Variants in OPN3 observed in about 807,000 individuals in gnomAD.
The protein encoded by OPN3 is opsin-3.
A neutral mutation model predicts 33.8 loss-of-function variants in OPN3; 29 were observed. The observed-to-expected ratio is 0.86, with a 90% CI of 0.64 to 1.17. The LOEUF (loss-of-function observed/expected upper bound fraction) is 1.17, where lower values mean the gene tolerates loss of function less well. Ranked by LOEUF, OPN3 falls within the 50% of genes most tolerant of loss-of-function variation. OPN3 has a pLI of 0.00. For missense variants in OPN3, 437 were observed against 514.1 expected (o/e 0.85, Z 1.45); for synonymous variants, 216 against 216.1 (o/e 1.00, Z 0.00).
At chr1:241,621,682 A>G (rs1664270576) in intron 1 of OPN3, among the ~76,000 whole-genome samples, 1 of 152,136 alleles carries the variant, frequency 6.6e-6, no homozygotes, top group Non-Finnish European at 1.5e-5. Flanking sequence ...AGGTAGAGAA[A>G]TGTTCAAAGA....
rs1664445485 is a variant in OPN3, at chr1:241,627,238, T to C, written c.373+12644A>G. Among the ~76,000 whole-genome samples the C allele has an allele frequency of 7.2e-5, 11 of 152,284 alleles. No individual in the cohort carries two copies. The South Asian group carries it at 2.3e-3, about 32-fold the overall frequency. ...GAGTTGGCCCATTTTATTATAATTA[T>C]AAAAACTGTAATTTATAGGATTATT... On this transcript the variant is annotated intron_variant, in intron 1 of 3. Coordinates refer to ENST00000366554, the MANE Select transcript of OPN3 (RefSeq NM_014322.3).
chr1:241,593,226 C>T lies in OPN3; in HGVS notation c.*1202G>A, dbSNP rs1284220829. 2 of 270,752 alleles carry T rather than the reference C, an allele frequency of 7.4e-6. No homozygotes were observed. The highest frequency in any genetic ancestry group is 8.0e-5 in the East Asian group (1 of 12,462). The allele number at this position is 270,752 out of a possible 1,614,324, so 16.8% of individuals were successfully genotyped here. A position where few individuals can be genotyped will look rare whatever the true frequency, so the allele number is the denominator to read the frequency against. On this transcript the variant is annotated 3_prime_UTR_variant, in exon 4 of 4. Transcript: ENST00000366554. ...CTTTTATAGAAATACAAAGCCATTA[C>T]TTTATTCAATTTCAGACCCTCAGAA... is the stretch of plus-strand genomic sequence containing the variant.
At chr1:241,620,675 C>A (rs1348078942) in intron 1 of OPN3, among the ~76,000 whole-genome samples, 1 of 152,116 alleles carries the variant, frequency 6.6e-6, no homozygotes, top group African/African-American at 2.4e-5. Flanking sequence ...TGAACTAACA[C>A]ATTAATATAT....
chr1:241,617,356 G>A (rs1664158823), intron 1 of OPN3, among the ~76,000 whole-genome samples: 1 of 152,146 alleles, frequency 6.6e-6, no homozygotes, highest in African/African-American at 2.4e-5. Context: ...AATAAATTGT[G>A]GAATAGCTCT....
intron 1 of OPN3, chr1:241,634,011 T>C: frequency 1.2e-6 from 2 of 1,613,888 alleles, no homozygotes; most frequent in Non-Finnish European, 1.7e-6. Context: ...GCATGCTCAT[T>C]TCCCAGGCCA....
At chr1:241,623,979 C>T (rs1049976357) in intron 1 of OPN3, among the ~76,000 whole-genome samples, 4 of 152,194 alleles carry the variant, frequency 2.6e-5, no homozygotes, top group African/African-American at 9.6e-5. Context: ...TTCCACCTGT[C>T]CTGCCTCTCC....
chr1:241,616,403 A>T (rs1664133615), intron 1 of OPN3, among the ~76,000 whole-genome samples: 1 of 151,910 alleles, frequency 6.6e-6, no homozygotes. Context: ...CTTCTCTTTC[A>T]CCATTTATAA....
intron 1 of OPN3, among the ~76,000 whole-genome samples, chr1:241,612,665 C>G (rs1244504021): frequency 6.6e-6 from 1 of 152,168 alleles, no homozygotes; most frequent in Non-Finnish European, 1.5e-5. Flanking sequence ...CCCTTAACTG[C>G]TCTATGGATA....
intron 1 of OPN3, among the ~76,000 whole-genome samples, chr1:241,608,607 CT>C (rs1663901338): frequency 6.6e-6 from 1 of 152,210 alleles, no homozygotes; most frequent in Admixed American, 6.5e-5. Context: ...GCACTCAGAG[CT>C]GAAGTATGAA....
chr1:241,617,091 A>G (rs1664152232), intron 1 of OPN3, among the ~76,000 whole-genome samples: 1 of 152,194 alleles, frequency 6.6e-6, no homozygotes, highest in Admixed American at 6.5e-5. Context: ...TTCTAATTAG[A>G]TCTTTCCAGA....
intron 2 of OPN3, among the ~76,000 whole-genome samples, chr1:241,602,929 T>C (rs570364247): frequency 1.3e-5 from 2 of 152,298 alleles, no homozygotes; most frequent in African/African-American, 2.4e-5. Flanking sequence ...GTGAGTGACA[T>C]TGTGGCACCA....
rs776374221 is a variant in OPN3, at chr1:241,594,627, T to A, written c.1010A>T (p.Asp337Val). The A allele has an allele frequency of 1.9e-6, 3 of 1,614,116 alleles. No individual in the cohort carries two copies. Among genetic ancestry groups the A allele is most frequent in the Non-Finnish European group, 8.5e-7 (1 of 1,179,978 alleles). The change falls in exon 4 of 4, where the codon GAC (aspartate) becomes GTC (valine). Residue 337 changes from aspartate (D) to valine (V), a missense_variant. Asp to Val is a radical substitution (Grantham distance 152). Coordinates refer to ENST00000366554, the MANE Select transcript of OPN3 (RefSeq NM_014322.3). The stretch of plus-strand genomic sequence containing the variant: ...CATTTCACTTCCAGCTGCTGGTAGG[T>A]CTTTAGCAGGCCTCTGGCACCTCAG... ...RLLRCQRPAK[D>V]LPAAGSEMQI...
intron 1 of OPN3, among the ~76,000 whole-genome samples, chr1:241,638,397 C>A (rs970014910): frequency 6.6e-6 from 1 of 152,088 alleles, no homozygotes; most frequent in Non-Finnish European, 1.5e-5. Context: ...GTTCAAACTC[C>A]CGGGCACGAA....
intron 1 of OPN3, chr1:241,633,942 G>A: frequency 6.2e-7 from 1 of 1,613,946 alleles, no homozygotes; most frequent in Non-Finnish European, 8.5e-7. Flanking sequence ...TTTGGAGGTG[G>A]AGGGCAGAAT....
intron 1 of OPN3, among the ~76,000 whole-genome samples, chr1:241,611,857 G>C (rs187760678): frequency 5.3e-4 from 80 of 152,326 alleles, no homozygotes; most frequent in African/African-American, 1.7e-3. Context: ...GCTGCAATGA[G>C]GAAAATGGAT....
At chr1:241,631,770 A>C (rs993850992) in intron 1 of OPN3, 2 of 152,214 alleles carry the variant, frequency 1.3e-5, no homozygotes, top group African/African-American at 4.8e-5. Flanking sequence ...TCTTATCTTC[A>C]CATTTCTCTG....
rs1380111559 is a variant in OPN3 at position 241,640,318 on chromosome 1, T to C, written c.-64A>G. Reference sequence around the variant, plus strand: ...GCTTGCGGCGGGGCTCGCGGCGCGCTCCGCACTGGGTGGGGTTGGGGCTCC... The same window carrying C: ...GCTTGCGGCGGGGCTCGCGGCGCGCCCCGCACTGGGTGGGGTTGGGGCTCC... On this transcript the variant is annotated 5_prime_UTR_variant, in exon 1 of 4. Transcript: ENST00000366554. 5 of 1,095,162 alleles carry C rather than the reference T, an allele frequency of 4.6e-6. No homozygotes were observed. The highest frequency in any genetic ancestry group is 2.2e-6 in the Non-Finnish European group (2 of 904,550). 67.8% of individuals were successfully genotyped at this position (1,095,162 alleles called of 1,614,324 possible). A position where few individuals can be genotyped will look rare whatever the true frequency, so the allele number is the denominator to read the frequency against.
At chr1:241,607,763 A>T (rs931659850) in intron 1 of OPN3, among the ~76,000 whole-genome samples, 1 of 151,562 alleles carries the variant, frequency 6.6e-6, no homozygotes, top group Non-Finnish European at 1.5e-5. Flanking sequence ...AGAAAGAGAA[A>T]GGAGGGAAGG....
chr1:241,635,308 C>T (rs750770018), intron 1 of OPN3: 1 of 1,613,944 alleles, frequency 6.2e-7, no homozygotes, highest in Non-Finnish European at 8.5e-7. Context: ...GTTTTGCAGG[C>T]ATTTCGTCGC....
Sources: gnomAD v4.1 joint callset for allele counts (sites outside exome capture counted in the v4.1 genomes callset) on GRCh38, gnomAD v4.1.1 for gene constraint, MANE v1.5 for transcripts, NCBI Gene and HGNC (gene_info 2026-07-23, HGNC 2026-07-21) for gene names.